The following BIRC6 variants were observed in gnomAD, a reference collection of about 807,000 sequenced individuals.
BIRC6 encodes the protein dual E2 ubiquitin-conjugating enzyme/E3 ubiquitin-protein ligase BIRC6.
BIRC6 carries 98 observed loss-of-function variants against 503.3 expected under a neutral mutation model. That is an observed-to-expected ratio of 0.19 (90% confidence interval 0.17 to 0.23). The LOEUF (loss-of-function observed/expected upper bound fraction) is 0.23. Among genes scored for constraint, BIRC6 ranks in the 10% least tolerant of loss-of-function variants. The pLI is 1.00. For synonymous variants in BIRC6, 2,240 were observed against 2,078.7 expected (o/e 1.08, Z -2.11); for missense variants, 5,360 against 5,806.0 (o/e 0.92, Z 2.50).
chr2:32,470,058 GAAAGCA>G, intron 30 of BIRC6, 104 bp from the exon 31 acceptor site: 1 of 995,356 alleles, frequency 1.0e-6, no homozygotes, highest in Non-Finnish European at 1.3e-6. Context: ...TATGTTTTAA[GAAAGCA>G]AATATTCTAT....
chr2:32,494,165 A>G (rs1024448652), intron 45 of BIRC6, among the ~76,000 whole-genome samples: 2 of 152,130 alleles, frequency 1.3e-5, no homozygotes, highest in Admixed American at 6.5e-5. Context: ...TCAATATCAT[A>G]TATCTCTTAT....
chr2:32,369,743 CGGTTA>C (rs1558539392), intron 1 of BIRC6, among the ~76,000 whole-genome samples: 3 of 150,748 alleles, frequency 2.0e-5, no homozygotes, highest in Admixed American at 6.6e-5. Flanking sequence ...GATTTACAGA[CGGTTA>C]AGGGTTCTCT....
chr2:32,594,533 A>G lies in BIRC6; in HGVS notation c.13501+473A>G, dbSNP rs2061563784. ...AACATGGTGAAACCCCGTCTCTACGAAATACAGGAAACATTAGGTGGGCAT... is the reference window on the plus strand; with the variant it reads ...AACATGGTGAAACCCCGTCTCTACGGAATACAGGAAACATTAGGTGGGCAT... On this transcript the variant is annotated intron_variant, in intron 67 of 73. Coordinates refer to ENST00000421745, the MANE Select transcript of BIRC6 (RefSeq NM_016252.4). 2.0e-5 allele frequency among the ~76,000 whole-genome samples: 3 copies of G among 152,308 alleles called. No individual in the cohort carries two copies. The South Asian group carries it at 6.2e-4, about 32-fold the overall frequency.
chr2:32,490,051 T>G lies in BIRC6; in HGVS notation c.8106T>G (p.Thr2702=), dbSNP rs149077460. 38 of 1,608,858 alleles carry G rather than the reference T, an allele frequency of 2.4e-5. No homozygotes were observed. Among genetic ancestry groups the G allele is most frequent in the Non-Finnish European group, 3.1e-5 (36 of 1,175,566 alleles). The change falls in exon 43 of 74, where the codon ACT becomes ACG. Residue 2702 remains threonine (T), a synonymous_variant. Transcript: ENST00000421745. ...CTCTTTTCTGCATAGCATCAATAAC[T>G]AGCTTTCTCACAGTGTTAGCTTGGT... The part of the protein sequence containing the change: ...PVISLNQASI[T]SFLTVLAWYP...
chr2:32,498,976 C>T (rs2052824940), intron 45 of BIRC6, among the ~76,000 whole-genome samples: 2 of 152,144 alleles, frequency 1.3e-5, no homozygotes, highest in Admixed American at 6.5e-5. Flanking sequence ...CCTGGGGCTC[C>T]CAAAGTGATG....
chr2:32,453,265 A>C (rs1449865638), intron 22 of BIRC6, among the ~76,000 whole-genome samples: 2 of 152,290 alleles, frequency 1.3e-5, no homozygotes, highest in Non-Finnish European at 2.9e-5. Context: ...TATGACCATG[A>C]AGTAGTGTGC....
Position 32,448,847 on chromosome 2 carries a change from A to T in BIRC6, c.4537A>T (p.Ser1513Cys). 6.2e-7 allele frequency: 1 copy of T among 1,613,392 alleles called. No homozygotes were observed. Among genetic ancestry groups the T allele is most frequent in the Non-Finnish European group, 8.5e-7 (1 of 1,179,440 alleles). ...FDPVLFDLEM[S>C]GSSCKNVYNS... Reference sequence around the variant, plus strand: ...TCCAGTCCTCTTTGATTTGGAGATGAGTGGCTCTTCTTGTAAAAATGTTTA... The same window carrying T: ...TCCAGTCCTCTTTGATTTGGAGATGTGTGGCTCTTCTTGTAAAAATGTTTA... Residue 1513 changes from serine (S) to cysteine (C), a missense_variant, in exon 22 of 74, where the codon AGT becomes TGT. Coordinates refer to ENST00000421745, the MANE Select transcript of BIRC6 (RefSeq NM_016252.4).
intron 23 of BIRC6, among the ~76,000 whole-genome samples, chr2:32,460,701 A>T (rs1439171729): frequency 6.6e-6 from 1 of 151,612 alleles, no homozygotes. Context: ...AGGATGGCTT[A>T]TTTTTCCTTG....
At chr2:32,397,408 G>A (rs1169331718) in intron 6 of BIRC6, among the ~76,000 whole-genome samples, 1 of 151,714 alleles carries the variant, frequency 6.6e-6, no homozygotes, top group East Asian at 1.9e-4. Flanking sequence ...GGAGGCGGAG[G>A]TTGCAGTGAG....
At chr2:32,463,139 CT>C in intron 23 of BIRC6, 54 bp from the exon 24 acceptor site, 1 of 1,420,088 alleles carries the variant, frequency 7.0e-7, no homozygotes, top group South Asian at 1.4e-5. Flanking sequence ...TGTCTTTAAC[CT>C]TTTCTTCATC....
At chr2:32,581,534 C>G (rs2060676448) in intron 66 of BIRC6, among the ~76,000 whole-genome samples, 1 of 152,034 alleles carries the variant, frequency 6.6e-6, no homozygotes, top group African/African-American at 2.4e-5. Flanking sequence ...AAAAATTAAA[C>G]AAGTTTTTCT....
At chr2:32,406,118 A>G (rs930037293) in intron 8 of BIRC6, among the ~76,000 whole-genome samples, 1 of 152,316 alleles carries the variant, frequency 6.6e-6, no homozygotes, top group African/African-American at 2.4e-5. Context: ...CAGGCCAGGC[A>G]TAGTGGCTCA....
intron 52 of BIRC6, 119 bp downstream of exon 52, chr2:32,510,113 A>G: frequency 8.4e-7 from 1 of 1,184,592 alleles, no homozygotes; most frequent in Non-Finnish European, 1.2e-6. Context: ...GTTTATGTTT[A>G]TCTCTCCTCT....
chr2:32,571,776 G>A (rs1301236995), intron 65 of BIRC6, among the ~76,000 whole-genome samples: 1 of 152,018 alleles, frequency 6.6e-6, no homozygotes, highest in Non-Finnish European at 1.5e-5. Flanking sequence ...CTAACTTTGG[G>A]TGTGGATTGT....
Position 32,480,621 on chromosome 2 carries a change from C to CTTTTTTTTTTTTTTTTTTTTTTTTTTTT in BIRC6, c.7409-689_7409-662dup, listed in dbSNP as rs560251664. ...CATAACAGAAAAATAAGGTAAATGGCTTTTTTTTTTTTTTTTTTTTTTTTT... is the reference window on the plus strand; with the variant it reads ...CATAACAGAAAAATAAGGTAAATGGCTTTTTTTTTTTTTTTTTTTTTTTTTTTTTTTTTTTTTTTTTTTTTTTTTTTTT... On this transcript the variant is annotated intron_variant, in intron 37 of 73. Transcript: ENST00000421745. Among the ~76,000 whole-genome samples, 8 of 60,742 alleles carry CTTTTTTTTTTTTTTTTTTTTTTTTTTTT rather than the reference C, an allele frequency of 1.3e-4. 1 individual carries two copies. Among genetic ancestry groups the CTTTTTTTTTTTTTTTTTTTTTTTTTTTT allele is most frequent in the Admixed American group, 1.9e-4 (1 of 5,354 alleles). 39.8% of individuals were successfully genotyped at this position (60,742 alleles called of 152,430 possible).
At position 32,505,201 on chromosome 2, in the gene BIRC6, T is replaced by C. The variant is rs749297945; in HGVS notation, c.9696T>C (p.Leu3232=). 5.1e-6 allele frequency: 8 copies of C among 1,556,664 alleles called. No homozygotes were observed. The highest frequency in any genetic ancestry group is 7.0e-6 in the Non-Finnish European group (8 of 1,147,086). The change falls in exon 50 of 74, where the codon CTT becomes CTC. Residue 3232 remains leucine, a synonymous_variant. Transcript: ENST00000421745. ...ATATCCAGCCTCATCTTGCATCTCT[T>C]GCAAGTGAGTAATATTTTATAAAGA... The part of the protein sequence containing the change: ...EIHIQPHLAS[L]ATCPSSVSVE...
At chr2:32,569,402 T>TC in intron 65 of BIRC6, among the ~76,000 whole-genome samples, 1 of 152,338 alleles carries the variant, frequency 6.6e-6, no homozygotes, top group Admixed American at 6.5e-5. Context: ...AGGGTCTTGC[T>TC]CCGTCGCCCA....
chr2:32,548,060 T>G (rs570099932), intron 64 of BIRC6, 46 bp downstream of exon 64: 10 of 1,463,796 alleles, frequency 6.8e-6, no homozygotes, highest in Middle Eastern at 2.1e-4. Context: ...GCTTTTTTTT[T>G]GTATTTATTA....
chr2:32,573,898 A>G (rs1486929246), intron 65 of BIRC6, among the ~76,000 whole-genome samples: 1 of 152,222 alleles, frequency 6.6e-6, no homozygotes, highest in Non-Finnish European at 1.5e-5. Context: ...TTCCAGCCAT[A>G]ATATATTATC....
Sources: gnomAD v4.1 joint callset for allele counts (sites outside exome capture counted in the v4.1 genomes callset) on GRCh38, gnomAD v4.1.1 for gene constraint, MANE v1.5 for transcripts, NCBI Gene and HGNC (gene_info 2026-07-23, HGNC 2026-07-21) for gene names.